Variants in PPP3R1 observed in about 807,000 individuals in gnomAD.
PPP3R1 encodes the protein protein phosphatase 3 regulatory subunit B, alpha.
In PPP3R1, 5 loss-of-function variants were observed where a neutral mutation model predicts 22.6. That is an observed-to-expected ratio of 0.22 (90% confidence interval 0.12 to 0.46). The LOEUF is 0.46. Ranked by LOEUF, PPP3R1 falls within the 20% of genes least tolerant of loss-of-function variation. PPP3R1 has a pLI of 0.99. For missense variants in PPP3R1, 61 were observed against 203.2 expected, an observed-to-expected ratio of 0.30 and a Z score of 4.25; for synonymous variants, 56 against 65.2, an observed-to-expected ratio of 0.86 and a Z score of 0.68.
At chr2:68,232,096 T>TAAAAA (rs750643360) in intron 1 of PPP3R1, among the ~76,000 whole-genome samples, 1 of 73,888 alleles carries the variant, frequency 1.4e-5, no homozygotes, top group African/African-American at 5.2e-5. Context: ...CCGTATCTAC[T>TAAAAA]AAAAAAAAAA....
chr2:68,245,272 G>C (rs143442782), intron 1 of PPP3R1, among the ~76,000 whole-genome samples: 4,008 of 152,204 alleles, frequency 0.026, 161 homozygotes, highest in African/African-American at 0.092. Context: ...TGAGGAGGGA[G>C]GATGGCTTGA....
At chr2:68,239,757 G>A (rs529958072) in intron 1 of PPP3R1, among the ~76,000 whole-genome samples, 6 of 152,244 alleles carry the variant, frequency 3.9e-5, no homozygotes, top group East Asian at 3.9e-4. Context: ...TGCTGGCAGC[G>A]GCAGTATATA....
At chr2:68,211,406 C>A (rs867233553) in intron 2 of PPP3R1, among the ~76,000 whole-genome samples, 333 of 77,156 alleles carry the variant, frequency 4.3e-3, no homozygotes, top group East Asian at 6.6e-3. Context: ...GACTCTGTCT[C>A]AAAAAAAAAA....
At chr2:68,212,894 A>G (rs1172486121) in intron 2 of PPP3R1, among the ~76,000 whole-genome samples, 1 of 152,268 alleles carries the variant, frequency 6.6e-6, no homozygotes, top group Non-Finnish European at 1.5e-5. Context: ...CTTCTGCATC[A>G]GCACTTGCTG....
At chr2:68,233,235 C>T (rs938057709) in intron 1 of PPP3R1, among the ~76,000 whole-genome samples, 1 of 152,196 alleles carries the variant, frequency 6.6e-6, no homozygotes, top group Non-Finnish European at 1.5e-5. Context: ...CTTTAAGCTC[C>T]ATGACAGCAA....
rs151084028 is a variant in PPP3R1, at chr2:68,192,245, T to G, written c.44-3555A>C. On this transcript the variant is annotated intron_variant, in intron 2 of 5. Transcript: ENST00000234310. Reference sequence around the variant, plus strand: ...ACCAAGGATTAGTTAATTATTTTCTTCTTCCAATCTTGAGTTTTGCCTTAG... The same window carrying G: ...ACCAAGGATTAGTTAATTATTTTCTGCTTCCAATCTTGAGTTTTGCCTTAG... Among the ~76,000 whole-genome samples, 489 of 152,274 alleles carry G rather than the reference T, an allele frequency of 3.2e-3. 1 individual carries two copies. The highest frequency in any genetic ancestry group is 6.2e-3 in the South Asian group (30 of 4,830).
intron 1 of PPP3R1, chr2:68,251,202 T>C (rs993569435): frequency 9.2e-5 from 14 of 152,230 alleles, no homozygotes; most frequent in African/African-American, 3.4e-4. Flanking sequence ...AGGGCGTCGT[T>C]GATTTCTTGG....
intron 1 of PPP3R1, among the ~76,000 whole-genome samples, chr2:68,227,564 T>C (rs917725631): frequency 1.7e-4 from 26 of 150,668 alleles, no homozygotes; most frequent in Admixed American, 1.5e-3. Flanking sequence ...CAAGCTTCTT[T>C]AATGATTTTA....
At chr2:68,233,658 CA>C (rs1669962773) in intron 1 of PPP3R1, among the ~76,000 whole-genome samples, 6 of 151,680 alleles carry the variant, frequency 4.0e-5, no homozygotes, top group African/African-American at 1.4e-4. Flanking sequence ...AGTCTACAAA[CA>C]AAAAAAATCT....
At chr2:68,217,285 TAAG>T (rs1052441138) in intron 1 of PPP3R1, among the ~76,000 whole-genome samples, 154 bp from the exon 2 acceptor site, 15 of 152,042 alleles carry the variant, frequency 9.9e-5, no homozygotes, top group Non-Finnish European at 1.6e-4. Flanking sequence ...TTTTAAAAAA[TAAG>T]AAAACAAATG....
rs1674350595 is a variant in PPP3R1 at position 68,179,095 on chromosome 2, C to G, written c.*1868G>C. 2 of 151,182 alleles carry G rather than the reference C, an allele frequency of 1.3e-5. No homozygotes were observed. Among genetic ancestry groups the G allele is most frequent in the South Asian group, 4.2e-4 (2 of 4,802 alleles). The allele number at this position is 151,182 out of a possible 1,614,324, so 9.4% of individuals were successfully genotyped here. On this transcript the variant is annotated 3_prime_UTR_variant, in exon 6 of 6. Transcript: ENST00000234310. ...TCTGTAACGCCAGCCAAGATATGCA[C>G]AAGCAAGAGAAATAGAAAGCATTTG...
At chr2:68,198,091 C>T (rs1173028844) in intron 2 of PPP3R1, among the ~76,000 whole-genome samples, 1 of 49,848 alleles carries the variant, frequency 2.0e-5, no homozygotes, top group Non-Finnish European at 3.8e-5. Flanking sequence ...AAAAAAAAAG[C>T]ATATATATGT....
Position 68,186,170 on chromosome 2 carries a change from A to G in PPP3R1, c.465+298T>C, listed in dbSNP as rs571748066. Among the ~76,000 whole-genome samples the G allele has an allele frequency of 2.0e-5, 3 of 152,342 alleles. No homozygotes were observed. In the East Asian group the frequency reaches 5.8e-4, roughly 29 times the overall value. ...TCTGTTTTTAGGGCATAAGTAGAGAAGAGAAGCTAAGTGGTTGTGGTTGTG... is the reference window on the plus strand; with the variant it reads ...TCTGTTTTTAGGGCATAAGTAGAGAGGAGAAGCTAAGTGGTTGTGGTTGTG... On this transcript the variant is annotated intron_variant, in intron 5 of 5. Transcript: ENST00000234310.
Position 68,217,085 on chromosome 2 carries a change from G to T in PPP3R1, c.43+7C>A. 1 of 1,578,750 alleles carries T rather than the reference G, an allele frequency of 6.3e-7. No homozygotes were observed. The highest frequency in any genetic ancestry group is 8.7e-7 in the Non-Finnish European group (1 of 1,155,096). ...AAGTAACTTTTGGTAACAAGAATATGACTTACAGTGTGAGCACATTTCCAA... is the reference window on the plus strand; with the variant it reads ...AAGTAACTTTTGGTAACAAGAATATTACTTACAGTGTGAGCACATTTCCAA... On this transcript the variant is annotated splice_region_variant and intron_variant, in intron 2 of 5. Transcript: ENST00000234310.
chr2:68,196,057 C>A (rs1000826623), intron 2 of PPP3R1, among the ~76,000 whole-genome samples: 1 of 152,094 alleles, frequency 6.6e-6, no homozygotes, highest in Admixed American at 6.6e-5. Flanking sequence ...TACTCCAATA[C>A]AGGATCCCGG....
At chr2:68,246,589 T>G (rs958199733) in intron 1 of PPP3R1, among the ~76,000 whole-genome samples, 1 of 152,200 alleles carries the variant, frequency 6.6e-6, no homozygotes, top group African/African-American at 2.4e-5. Context: ...TCTTTCTTGA[T>G]CTCTGCAGTA....
chr2:68,231,365 C>CTT (rs796567085), intron 1 of PPP3R1, among the ~76,000 whole-genome samples: 2 of 149,342 alleles, frequency 1.3e-5, no homozygotes, highest in African/African-American at 2.5e-5. Context: ...AGTTTTCTTT[C>CTT]TTTTTTTTTT....
intron 2 of PPP3R1, among the ~76,000 whole-genome samples, chr2:68,214,480 A>G (rs1430804752): frequency 6.6e-6 from 1 of 152,246 alleles, no homozygotes; most frequent in Non-Finnish European, 1.5e-5. Context: ...ACACGAACAG[A>G]CACTTTTCAA....
chr2:68,197,725 C>T (rs1231371574), intron 2 of PPP3R1, among the ~76,000 whole-genome samples: 1 of 151,736 alleles, frequency 6.6e-6, no homozygotes, highest in Admixed American at 6.6e-5. Flanking sequence ...TGATCCAAGT[C>T]CTTTGTTAGG....
Sources: gnomAD v4.1 joint callset for allele counts (sites outside exome capture counted in the v4.1 genomes callset) on GRCh38, gnomAD v4.1.1 for gene constraint, MANE v1.5 for transcripts, NCBI Gene and HGNC (gene_info 2026-07-23, HGNC 2026-07-21) for gene names.